COPA: variants seen among roughly 807,000 people sequenced by gnomAD.
COPA encodes the protein coatomer subunit alpha.
Under a neutral mutation model 158.7 loss-of-function variants are expected in COPA, and 10 were observed. That is an observed-to-expected ratio of 0.06 (90% CI 0.04 to 0.11). COPA has a LOEUF of 0.11. Among genes scored for constraint, COPA ranks in the 10% least tolerant of loss-of-function variants. COPA has a pLI of 1.00. For missense variants in COPA, 1,065 were observed against 1,536.7 expected, an observed-to-expected ratio of 0.69 and a Z score of 5.13; for synonymous variants, 462 against 542.8, an observed-to-expected ratio of 0.85 and a Z score of 2.07.
intron 31 of COPA, 24 bp downstream of exon 31, chr1:160,291,311 G>A: frequency 1.9e-6 from 3 of 1,612,148 alleles, no homozygotes; most frequent in Non-Finnish European, 2.5e-6. Context: ...GCTTCCCTAT[G>A]GTCACTGAAG....
At position 160,307,243 on chromosome 1, in the gene COPA, G is replaced by A. The variant is rs781468885; in HGVS notation, c.1222C>T (p.Pro408Ser). 9.3e-6 allele frequency: 15 copies of A among 1,614,166 alleles called. No homozygotes were observed. Among genetic ancestry groups the A allele is most frequent in the Non-Finnish European group, 1.2e-5 (14 of 1,179,998 alleles). ...KDADSQNPDA[P>S]EGKRSSGLTA... Reference sequence around the variant, plus strand: ...AGGCCTGAGGATCGTTTCCCTTCAGGCGCTGAGAAGAACAAAACCAAAGGG... The same window carrying A: ...AGGCCTGAGGATCGTTTCCCTTCAGACGCTGAGAAGAACAAAACCAAAGGG... The change falls in exon 14 of 33, where the codon CCT becomes TCT. Residue 408 changes from proline (P) to serine (S), a missense_variant and splice_region_variant. By Grantham distance (74) the Pro-to-Ser change is moderately conservative (BLOSUM62 -1). Coordinates refer to ENST00000241704, the MANE Select transcript of COPA (RefSeq NM_004371.4).
rs752178026 is a variant in COPA, at chr1:160,332,533, A to G, written c.411T>C (p.Tyr137=). 14 of 1,612,710 alleles carry G rather than the reference A, an allele frequency of 8.7e-6. No homozygotes were observed. Among genetic ancestry groups the G allele is most frequent in the Admixed American group, 5.0e-5 (3 of 59,696 alleles). The change falls in exon 6 of 33, where the codon TAT becomes TAC. Residue 137 remains tyrosine (Y), a synonymous_variant. Coordinates refer to ENST00000241704, the MANE Select transcript of COPA (RefSeq NM_004371.4). ...CVCVLTGHNH[Y]VMCAQFHPTE... ...TGGGGTGGAACTGAGCACACATCAC[A>G]TAATGGTTGTGCCCTGTTAACACAC...
chr1:160,306,051 C>T, intron 15 of COPA: 1 of 568,748 alleles, frequency 1.8e-6, no homozygotes, highest in Non-Finnish European at 3.1e-6. Context: ...ACTGCAAGCT[C>T]CCTTAAATGT....
At position 160,289,921 on chromosome 1, in the gene COPA, A is replaced by T; in HGVS notation, c.*236T>A. 2.1e-6 allele frequency: 1 copy of T among 467,516 alleles called. No individual in the cohort carries two copies. The allele number at this position is 467,516 out of a possible 1,614,324, so 29.0% of individuals were successfully genotyped here. A position where few individuals can be genotyped will look rare whatever the true frequency, so the allele number is the denominator to read the frequency against. ...TTTTCATTTGTTCCTTAAAATAATT[A>T]AGCTGGAAAGGCAAGGACAATTATG... On this transcript the variant is annotated 3_prime_UTR_variant, in exon 33 of 33. Transcript: ENST00000241704.
rs1658793235 is a variant in COPA, at chr1:160,306,617, T to C, written c.1303-124A>G. The C allele has an allele frequency of 4.1e-6, 5 of 1,217,950 alleles. No individual in the cohort carries two copies. The Admixed American group carries it at 7.1e-5, about 17-fold the overall frequency. The allele number at this position is 1,217,950 out of a possible 1,614,324, so 75.4% of individuals were successfully genotyped here. On this transcript the variant is annotated intron_variant, in intron 14 of 32. Transcript: ENST00000241704. ...AACTAAGTATTTTTTGTCCTGTCCA[T>C]GTCAATTACCACTGCAGACAGACCA...
Position 160,311,967 on chromosome 1 carries a change from T to C in COPA, c.977A>G (p.Tyr326Cys), listed in dbSNP as rs1658981175. Reference protein sequence around the residue: ...VFKLERERPAYAVHGNMLHYV... With the variant: ...VFKLERERPACAVHGNMLHYV... ...GTGTAGCATATTGCCATGAACAGCA[T>C]AGGCTGGCCGTTCCCGTTCCAGCTT... The change falls in exon 11 of 33, where the codon TAT becomes TGT. Residue 326 changes from tyrosine to cysteine, a missense_variant. Transcript: ENST00000241704. The C allele has an allele frequency of 1.2e-6, 2 of 1,614,082 alleles. No individual in the cohort carries two copies. The highest frequency in any genetic ancestry group is 1.7e-6 in the Non-Finnish European group (2 of 1,179,996).
intron 17 of COPA, among the ~76,000 whole-genome samples, chr1:160,300,727 G>A (rs1489605634): frequency 6.6e-6 from 1 of 152,196 alleles, no homozygotes; most frequent in Non-Finnish European, 1.5e-5. Context: ...GAAAACATAA[G>A]TAAAATATTA....
At chr1:160,310,097 T>C (rs934168171) in intron 12 of COPA, 95 bp downstream of exon 12, 5 of 672,628 alleles carry the variant, frequency 7.4e-6, no homozygotes, top group East Asian at 5.9e-5. Context: ...GACCATTAAA[T>C]AGTTTCTAAG....
chr1:160,323,558 C>T, intron 7 of COPA, 28 bp from the exon 8 acceptor site: 1 of 1,563,926 alleles, frequency 6.4e-7, no homozygotes, highest in Non-Finnish European at 8.8e-7. Flanking sequence ...TCTTCTAAAA[C>T]ATCTTTATAG....
intron 6 of COPA, among the ~76,000 whole-genome samples, chr1:160,331,648 CA>C (rs59093132): frequency 0.061 from 5,886 of 95,768 alleles, 372 homozygotes; most frequent in African/African-American, 0.19. Flanking sequence ...GACTCCATCT[CA>C]AAAAAAAAAA....
chr1:160,295,907 C>A lies in COPA; in HGVS notation c.2353-48G>T. ...CTAAAAACAAATAGCACTTGGAAGT[C>A]ACGTAAGGAAAGTTATGGAGCCTCC... is the stretch of plus-strand genomic sequence containing the variant. On this transcript the variant is annotated intron_variant, in intron 22 of 32. Coordinates refer to ENST00000241704, the MANE Select transcript of COPA (RefSeq NM_004371.4). The A allele has an allele frequency of 1.9e-6, 3 of 1,583,176 alleles. No homozygotes were observed. The South Asian group carries it at 3.5e-5, about 18-fold the overall frequency.
intron 5 of COPA, 150 bp downstream of exon 5, chr1:160,333,453 T>G (rs1647622268): frequency 7.5e-6 from 4 of 533,442 alleles, no homozygotes; most frequent in Non-Finnish European, 1.3e-5. Context: ...ATTTATTATT[T>G]TGCACTTAAA....
chr1:160,304,797 T>C (rs946511916), intron 17 of COPA, among the ~76,000 whole-genome samples: 3 of 152,312 alleles, frequency 2.0e-5, no homozygotes, highest in Admixed American at 6.5e-5. Context: ...AAAGAATGTT[T>C]AAGAGCATTG....
intron 17 of COPA, 128 bp from the exon 18 acceptor site, chr1:160,299,392 CAA>C (rs1424980495): frequency 2.2e-6 from 2 of 895,516 alleles, no homozygotes; most frequent in Non-Finnish European, 3.3e-6. Context: ...GGAAGTGATT[CAA>C]AAAAGAGCAG....
In COPA at chr1:160,314,049, T is replaced by C. The variant is rs748525962; in HGVS notation, c.783A>G (p.Gln261=). 4.3e-6 allele frequency: 7 copies of C among 1,613,994 alleles called. No homozygotes were observed. In the African/African-American group the frequency reaches 6.7e-5, roughly 15 times the overall value. ...CCTCAGAATTGCTGAGGATCAACTCTTGGCGAGGGTGGAAGACGGCACAAG... is the reference window on the plus strand; with the variant it reads ...CCTCAGAATTGCTGAGGATCAACTCCTGGCGAGGGTGGAAGACGGCACAAG... The part of the protein sequence containing the change: ...NVSCAVFHPR[Q]ELILSNSEDK... The change falls in exon 9 of 33, where the codon CAA becomes CAG. Residue 261 remains glutamine, a synonymous_variant. Transcript: ENST00000241704.
At position 160,339,954 on chromosome 1, in the gene COPA, C is replaced by G; in HGVS notation, c.183G>C (p.Lys61Asn). The change falls in exon 3 of 33, where the codon AAG becomes AAC. Residue 61 changes from lysine to asparagine, a missense_variant. By Grantham distance (94) the Lys-to-Asn change is moderately conservative. Transcript: ENST00000241704. ...CTCCAGAGACGAACAGTGGCTGCTG[C>G]TTATGGAAGTCAATGCCTCGCACTG... ...DGPVRGIDFH[K>N]QQPLFVSGGD... The G allele has an allele frequency of 6.2e-7, 1 of 1,614,128 alleles. No individual in the cohort carries two copies. The highest frequency in any genetic ancestry group is 8.5e-7 in the Non-Finnish European group (1 of 1,179,986).
intron 8 of COPA, among the ~76,000 whole-genome samples, chr1:160,319,239 T>C (rs930559414): frequency 1.3e-5 from 2 of 151,954 alleles, no homozygotes; most frequent in African/African-American, 4.8e-5. Context: ...TAGCTATACT[T>C]ACATGAGATA....
At chr1:160,330,553 TCTTG>T (rs1375180609) in intron 6 of COPA, among the ~76,000 whole-genome samples, 1 of 151,362 alleles carries the variant, frequency 6.6e-6, no homozygotes, top group Admixed American at 6.6e-5. Context: ...CCCCATCTCC[TCTTG>T]TCTTGTTTCT....
At chr1:160,338,750 G>A (rs1197427341) in intron 3 of COPA, among the ~76,000 whole-genome samples, 1 of 151,996 alleles carries the variant, frequency 6.6e-6, no homozygotes, top group Non-Finnish European at 1.5e-5. Context: ...CATCCAAGAG[G>A]CTTCTTCTCC....
Sources: allele counts gnomAD v4.1 joint callset (sites outside exome capture counted in the v4.1 genomes callset), GRCh38; gene constraint gnomAD v4.1.1; transcripts MANE v1.5; gene names NCBI Gene and HGNC (gene_info 2026-07-23, HGNC 2026-07-21).